The following CCNH variants were observed in gnomAD, a reference collection of about 807,000 sequenced individuals.
CCNH encodes cyclin-H.
A neutral mutation model predicts 41.9 loss-of-function variants in CCNH; 31 were observed. The observed-to-expected ratio is 0.74, with a 90% CI of 0.56 to 1.00. The LOEUF (loss-of-function observed/expected upper bound fraction) is 1.00. Ranked by LOEUF, CCNH falls within the 50% of genes least tolerant of loss-of-function variation. CCNH has a pLI of 0.00. For missense variants in CCNH, 362 were observed against 388.4 expected, an observed-to-expected ratio of 0.93 and a Z score of 0.57; for synonymous variants, 138 against 136.1, an observed-to-expected ratio of 1.01 and a Z score of -0.10.
At chr5:87,331,958 A>G (rs569275602) in intron 9 of CCNH, among the ~76,000 whole-genome samples, 1 of 152,172 alleles carries the variant, frequency 6.6e-6, no homozygotes, top group Non-Finnish European at 1.5e-5. Flanking sequence ...CTGTATATAT[A>G]AACATATTTA....
downstream of CCNH, among the ~76,000 whole-genome samples, chr5:87,390,224 T>C (rs147080957): frequency 2.7e-3 from 406 of 152,316 alleles, 5 homozygotes; most frequent in East Asian, 8.3e-3. Context: ...TGTCCTCAGC[T>C]GACATAAGGG....
At chr5:87,411,191 A>T in intron 2 of CCNH, 33 bp downstream of exon 2, 2 of 1,580,066 alleles carry the variant, frequency 1.3e-6, no homozygotes, top group Non-Finnish European at 1.7e-6. Context: ...AGCCAACTAA[A>T]GGACATTATA....
At chr5:87,312,003 T>C in the CCNH span, among the ~76,000 whole-genome samples, 2 of 152,238 alleles carry the variant, frequency 1.3e-5, no homozygotes, top group African/African-American at 4.8e-5. Flanking sequence ...ACTGGTGATA[T>C]ATAAGGAATG....
intron 9 of CCNH, chr5:87,353,171 T>C: frequency 6.2e-7 from 1 of 1,609,854 alleles, no homozygotes; most frequent in Admixed American, 1.7e-5. Context: ...GGGGACATCA[T>C]AGATCACTAT....
At chr5:87,348,068 G>A (rs1325715402) in intron 9 of CCNH, among the ~76,000 whole-genome samples, 1 of 151,956 alleles carries the variant, frequency 6.6e-6, no homozygotes, top group East Asian at 1.9e-4. Context: ...TCATATTCTA[G>A]AAGAAATTTA....
downstream of CCNH, among the ~76,000 whole-genome samples, chr5:87,375,407 C>T (rs1383151959): frequency 3.3e-5 from 5 of 152,028 alleles, no homozygotes; most frequent in African/African-American, 1.2e-4. Flanking sequence ...ACTACAGGCG[C>T]CCGCCACCAT....
rs373215700 is a variant in CCNH at position 87,404,409 on chromosome 5, T to C, written c.689+435A>G. ...AAATCAAGCAGAACCTCAAAGGTCATAAATTGAGAAACTTAATATAGAAAC... is the reference window on the plus strand; with the variant it reads ...AAATCAAGCAGAACCTCAAAGGTCACAAATTGAGAAACTTAATATAGAAAC... On this transcript the variant is annotated intron_variant, in intron 5 of 8. Coordinates refer to ENST00000256897, the MANE Select transcript of CCNH (RefSeq NM_001239.4). Among the ~76,000 whole-genome samples the C allele has an allele frequency of 7.9e-5, 12 of 152,342 alleles. No individual in the cohort carries two copies. In the East Asian group the frequency reaches 1.9e-3, roughly 24 times the overall value.
chr5:87,359,905 A>G lies in CCNH; in HGVS notation c.*90+32865T>C, dbSNP rs186404846. The stretch of plus-strand genomic sequence containing the variant: ...GTACCTGAAATGGACAGTCTTTTCA[A>G]TGCAACTAACAGTTCTTCACCCTTC... On this transcript the variant is annotated intron_variant and NMD_transcript_variant, in intron 9 of 9. Transcript: ENST00000645953. 4.6e-3 allele frequency among the ~76,000 whole-genome samples: 697 copies of G among 152,264 alleles called. 4 individuals are homozygous for G. Among genetic ancestry groups the G allele is most frequent in the African/African-American group, 0.016 (658 of 41,548 alleles).
downstream of CCNH, among the ~76,000 whole-genome samples, chr5:87,314,796 C>A (rs922364089): frequency 1.3e-5 from 2 of 151,848 alleles, no homozygotes; most frequent in Non-Finnish European, 2.9e-5. Context: ...ATTGAAAGAT[C>A]CAGTTGCTGG....
intron 9 of CCNH, among the ~76,000 whole-genome samples, chr5:87,334,742 A>T (rs1352912289): frequency 6.6e-6 from 1 of 152,220 alleles, no homozygotes; most frequent in African/African-American, 2.4e-5. Context: ...ATGAGGGAGT[A>T]AAAAATATTT....
At chr5:87,314,667 C>T (rs1756184905), downstream of CCNH, among the ~76,000 whole-genome samples, 1 of 151,100 alleles carries the variant, frequency 6.6e-6, no homozygotes, top group Admixed American at 6.6e-5. Context: ...ATGTTAATGG[C>T]AAGTAAAGAT....
downstream of CCNH, chr5:87,386,995 C>G: frequency 8.5e-7 from 1 of 1,175,512 alleles, no homozygotes; most frequent in Non-Finnish European, 1.2e-6. Flanking sequence ...GAAAGATTTT[C>G]TATCCAAAAC....
chr5:87,354,609 A>G (rs903134659), intron 9 of CCNH, among the ~76,000 whole-genome samples: 1 of 152,110 alleles, frequency 6.6e-6, no homozygotes, highest in Admixed American at 6.6e-5. Flanking sequence ...AAATTGGGCC[A>G]ATTAATAACC....
intron 8 of CCNH, 32 bp from the exon 9 acceptor site, chr5:87,394,516 C>T: frequency 6.2e-7 from 1 of 1,612,610 alleles, no homozygotes; most frequent in South Asian, 1.1e-5. Context: ...GTAAGGATAA[C>T]ACTGAAGCAT....
chr5:87,389,440 G>C, downstream of CCNH: 1 of 1,614,156 alleles, frequency 6.2e-7, no homozygotes, highest in Non-Finnish European at 8.5e-7. Flanking sequence ...GAACGGACCT[G>C]TCCCGTGATT....
intron 9 of CCNH, among the ~76,000 whole-genome samples, chr5:87,382,847 C>G (rs530345033): frequency 4.0e-5 from 6 of 151,768 alleles, no homozygotes; most frequent in South Asian, 2.1e-4. Flanking sequence ...ATGTTTAGAC[C>G]AAGACAGGAG....
chr5:87,357,850 A>G (rs1361010602), intron 9 of CCNH, among the ~76,000 whole-genome samples: 1 of 152,230 alleles, frequency 6.6e-6, no homozygotes, highest in East Asian at 1.9e-4. Context: ...TTGGTTTTGC[A>G]GAAGTGCCTA....
At chr5:87,409,203 T>TCTCA (rs1764028589) in intron 3 of CCNH, 87 bp downstream of exon 3, 2 of 684,492 alleles carry the variant, frequency 2.9e-6, no homozygotes, top group African/African-American at 3.7e-5. Flanking sequence ...TCTCTCTCTC[T>TCTCA]CTCACAATTC....
At chr5:87,348,097 TGTCA>T (rs372296706) in intron 9 of CCNH, among the ~76,000 whole-genome samples, 7 of 152,056 alleles carry the variant, frequency 4.6e-5, no homozygotes, top group Middle Eastern at 3.2e-3. Flanking sequence ...CTTGGATTCT[TGTCA>T]GTAAGATTTG....
Sources: gnomAD v4.1 joint callset for allele counts (sites outside exome capture counted in the v4.1 genomes callset) on GRCh38, gnomAD v4.1.1 for gene constraint, MANE v1.5 for transcripts, NCBI Gene and HGNC (gene_info 2026-07-23, HGNC 2026-07-21) for gene names.